Variants in TTC28 observed in about 807,000 individuals in gnomAD.
The protein encoded by TTC28 is tetratricopeptide repeat domain 28.
Under a neutral mutation model 198.0 loss-of-function variants are expected in TTC28, and 61 were observed. The ratio of observed to expected loss-of-function variants is 0.31; its 90% CI spans 0.25 to 0.38. TTC28 has a LOEUF of 0.38. Among genes scored for constraint, TTC28 ranks in the 10% least tolerant of loss-of-function variants. The probability of loss-of-function intolerance (pLI) is 1.00; values close to 1 mark genes in which losing one functional copy is unlikely to be tolerated. For synonymous variants in TTC28, 1,171 were observed against 1,297.8 expected, an observed-to-expected ratio of 0.90 and a Z score of 2.10; for missense variants, 2,678 against 3,164.0, an observed-to-expected ratio of 0.85 and a Z score of 3.69.
rs559397426 is a variant in TTC28 at position 28,639,823 on chromosome 22, G to A, written c.103-9993C>T. On this transcript the variant is annotated intron_variant, in intron 1 of 22. Coordinates refer to ENST00000397906, the MANE Select transcript of TTC28 (RefSeq NM_001145418.2). ...GCAGCATGAAAACGGACTAATACAT[G>A]TATTTTCAAAGCAAACAAAATAGAT... Among the ~76,000 whole-genome samples, 11 of 152,194 alleles carry A rather than the reference G, an allele frequency of 7.2e-5. No homozygotes were observed. The South Asian group carries it at 1.7e-3, about 23-fold the overall frequency.
chr22:28,625,712 C>A (rs1171953418), intron 2 of TTC28, among the ~76,000 whole-genome samples: 2 of 151,832 alleles, frequency 1.3e-5, no homozygotes, highest in Non-Finnish European at 2.9e-5. Context: ...TATAAAAATG[C>A]AAAAATATAG....
chr22:28,196,138 C>G (rs1444164500), intron 5 of TTC28, among the ~76,000 whole-genome samples: 1 of 151,922 alleles, frequency 6.6e-6, no homozygotes, highest in African/African-American at 2.4e-5. Context: ...TGCCGCATAT[C>G]TACAACCATC....
intron 5 of TTC28, among the ~76,000 whole-genome samples, chr22:28,275,316 C>A (rs940300839): frequency 1.3e-5 from 2 of 152,166 alleles, no homozygotes; most frequent in African/African-American, 4.8e-5. Context: ...TCCATCACTG[C>A]CATGAGTTTG....
intron 2 of TTC28, among the ~76,000 whole-genome samples, chr22:28,325,974 C>T (rs966986144): frequency 2.0e-5 from 3 of 152,036 alleles, no homozygotes; most frequent in Non-Finnish European, 1.5e-5. Flanking sequence ...CCAGCAATCC[C>T]ACTCCTAGGA....
At chr22:28,290,339 T>C (rs1480198115) in intron 5 of TTC28, among the ~76,000 whole-genome samples, 1 of 152,228 alleles carries the variant, frequency 6.6e-6, no homozygotes, top group African/African-American at 2.4e-5. Context: ...ACTGAACTTA[T>C]AAAAAACTTA....
At chr22:28,386,274 C>CCAAAAAAAAAAAAAAAA (rs2046588088) in intron 2 of TTC28, among the ~76,000 whole-genome samples, 1 of 52,220 alleles carries the variant, frequency 1.9e-5, no homozygotes, top group African/African-American at 6.8e-5. Context: ...GACTCCGTCT[C>CCAAAAAAAAAAAAAAAA]AAAAAAAAAA....
chr22:28,392,523 G>C (rs142900695), intron 2 of TTC28, among the ~76,000 whole-genome samples: 2 of 152,328 alleles, frequency 1.3e-5, no homozygotes, highest in South Asian at 2.1e-4. Flanking sequence ...CTCCAAGCCA[G>C]GTGCGGGATA....
At chr22:28,141,339 T>A (rs920124778) in intron 6 of TTC28, among the ~76,000 whole-genome samples, 2 of 152,200 alleles carry the variant, frequency 1.3e-5, no homozygotes, top group African/African-American at 4.8e-5. Flanking sequence ...TCCTGTTTGA[T>A]AGAATGCAAG....
chr22:28,234,279 C>G (rs1206475221), intron 5 of TTC28, among the ~76,000 whole-genome samples: 1 of 151,110 alleles, frequency 6.6e-6, no homozygotes, highest in Non-Finnish European at 1.5e-5. Context: ...TGAGCTCAGG[C>G]AATCCGCCTG....
chr22:28,534,508 T>A (rs771797367), intron 2 of TTC28, among the ~76,000 whole-genome samples: 8 of 152,220 alleles, frequency 5.3e-5, no homozygotes, highest in Non-Finnish European at 1.0e-4. Context: ...AGTGTGGCGA[T>A]TCCTCAAGGA....
chr22:28,397,346 C>T (rs1279714436), intron 2 of TTC28, among the ~76,000 whole-genome samples: 1 of 152,194 alleles, frequency 6.6e-6, no homozygotes, highest in Non-Finnish European at 1.5e-5. Context: ...CCTCACTTAA[C>T]AGGTGAAAAC....
chr22:28,662,064 A>C (rs2051757999), intron 1 of TTC28, among the ~76,000 whole-genome samples: 2 of 152,180 alleles, frequency 1.3e-5, no homozygotes, highest in African/African-American at 4.8e-5. Flanking sequence ...TCAATACATA[A>C]AGAAATTACA....
chr22:28,428,612 T>TTTATA (rs2047385309), intron 2 of TTC28, among the ~76,000 whole-genome samples: 1 of 70,164 alleles, frequency 1.4e-5, no homozygotes, highest in Admixed American at 1.3e-4. Flanking sequence ...GAATTATTAT[T>TTTATA]TTATTTTATT....
chr22:28,446,679 T>C (rs2047707919), intron 2 of TTC28, among the ~76,000 whole-genome samples: 1 of 152,230 alleles, frequency 6.6e-6, no homozygotes, highest in South Asian at 2.1e-4. Context: ...GTTGGTGCCA[T>C]GCTTCCTGTA....
At chr22:28,672,535 C>T (rs1180870757) in intron 1 of TTC28, among the ~76,000 whole-genome samples, 1 of 152,146 alleles carries the variant, frequency 6.6e-6, no homozygotes, top group African/African-American at 2.4e-5. Context: ...CTCCTAACCT[C>T]ATGATCCACC....
At chr22:28,187,130 A>G (rs540106516) in intron 5 of TTC28, among the ~76,000 whole-genome samples, 1 of 152,286 alleles carries the variant, frequency 6.6e-6, no homozygotes, top group South Asian at 2.1e-4. Context: ...GCTGTAATAT[A>G]AGAAAAATAG....
At chr22:28,201,506 A>G (rs1925936093) in intron 5 of TTC28, among the ~76,000 whole-genome samples, 2 of 152,072 alleles carry the variant, frequency 1.3e-5, no homozygotes, top group Non-Finnish European at 2.9e-5. Context: ...AGCAAGGTGA[A>G]GGGGAAGAAG....
chr22:28,477,623 G>C (rs1382859584), intron 2 of TTC28, among the ~76,000 whole-genome samples: 1 of 152,192 alleles, frequency 6.6e-6, no homozygotes, highest in Non-Finnish European at 1.5e-5. Flanking sequence ...TACATCATTT[G>C]TGGTAGATAG....
intron 2 of TTC28, among the ~76,000 whole-genome samples, chr22:28,312,416 C>A (rs2145825902): frequency 6.6e-6 from 1 of 152,276 alleles, no homozygotes; most frequent in East Asian, 1.9e-4. Flanking sequence ...ACATTCTTCT[C>A]AGCACCACAT....
Sources: allele counts gnomAD v4.1 joint callset (sites outside exome capture counted in the v4.1 genomes callset), GRCh38; gene constraint gnomAD v4.1.1; transcripts MANE v1.5; gene names NCBI Gene and HGNC (gene_info 2026-07-23, HGNC 2026-07-21).